MSI2: variants seen among roughly 807,000 people sequenced by gnomAD.
The protein encoded by MSI2 is RNA-binding protein Musashi homolog 2.
MSI2 carries 17 observed loss-of-function variants against 45.6 expected under a neutral mutation model. The observed-to-expected ratio is 0.37, with a 90% CI of 0.26 to 0.56. MSI2 has a LOEUF of 0.56. MSI2 is among the 20% of genes least tolerant of loss of function. MSI2 has a pLI of 0.77. For missense variants in MSI2, 293 were observed against 444.2 expected, an observed-to-expected ratio of 0.66 and a Z score of 3.06; for synonymous variants, 156 against 158.2, an observed-to-expected ratio of 0.99 and a Z score of 0.11.
chr17:57,450,254 T>TGAAAGAAAGAAAGAAA (rs2084973444), intron 6 of MSI2: 1 of 98,754 alleles, frequency 1.0e-5, no homozygotes, highest in African/African-American at 5.5e-5. Flanking sequence ...ATTCCCCAGC[T>TGAAAGAAAGAAAGAAA]TAAAGAAAGA....
At chr17:57,569,793 C>CT (rs2087828221) in intron 7 of MSI2, among the ~76,000 whole-genome samples, 1 of 152,220 alleles carries the variant, frequency 6.6e-6, no homozygotes, top group African/African-American at 2.4e-5. Flanking sequence ...CCACACAAGT[C>CT]TTTGCTCTGG....
At chr17:57,338,837 C>G (rs543636581) in intron 5 of MSI2, among the ~76,000 whole-genome samples, 1 of 152,152 alleles carries the variant, frequency 6.6e-6, no homozygotes, top group Non-Finnish European at 1.5e-5. Context: ...CAGGGGCTGC[C>G]GAGATGGGGA....
At chr17:57,266,993 G>C (rs559249104) in intron 5 of MSI2, 1 of 152,466 alleles carries the variant, frequency 6.6e-6, no homozygotes, top group East Asian at 1.9e-4. Context: ...ATGGCAGCCC[G>C]AGCGTGTACA....
chr17:57,623,966 C>T (rs150612728), intron 9 of MSI2, among the ~76,000 whole-genome samples: 1,690 of 152,304 alleles, frequency 0.011, 37 homozygotes, highest in African/African-American at 0.038. Context: ...CTGGCAGATG[C>T]CGAATTCTCA....
chr17:57,507,466 C>T (rs1196107312), intron 6 of MSI2, among the ~76,000 whole-genome samples: 1 of 152,262 alleles, frequency 6.6e-6, no homozygotes, highest in African/African-American at 2.4e-5. Flanking sequence ...TGAATATCCT[C>T]ACTGGTGATA....
chr17:57,507,233 G>C (rs71373400), intron 6 of MSI2, among the ~76,000 whole-genome samples: 1,121 of 60,356 alleles, frequency 0.019, 74 homozygotes, highest in African/African-American at 0.065. Context: ...CTCTGTGTGT[G>C]TGTGTGTGTG....
In MSI2 at chr17:57,465,046, G is replaced by T. The variant is rs2085304724; in HGVS notation, c.405+63575G>T. Among the ~76,000 whole-genome samples, 3 of 152,090 alleles carry T rather than the reference G, an allele frequency of 2.0e-5. No individual in the cohort carries two copies. The South Asian group carries it at 6.2e-4, about 32-fold the overall frequency. On this transcript the variant is annotated intron_variant, in intron 6 of 13. Transcript: ENST00000284073. The stretch of plus-strand genomic sequence containing the variant: ...TGGGCCACATGAATGATTCTCAAAG[G>T]CAGAAAAACAATTTTTTTTGATGGA...
chr17:57,281,661 A>G (rs1448907404), intron 5 of MSI2, among the ~76,000 whole-genome samples: 3 of 152,052 alleles, frequency 2.0e-5, no homozygotes, highest in Non-Finnish European at 4.4e-5. Context: ...TCAGTTTTCC[A>G]CGAGTGCAGC....
In MSI2 at chr17:57,527,461, C is replaced by T. The variant is rs1162959674; in HGVS notation, c.406-2215C>T. On this transcript the variant is annotated intron_variant, in intron 6 of 13. Transcript: ENST00000284073. Reference sequence around the variant, plus strand: ...TGTGTGTGTGGCCCCAGCAGGTTACCGTCGGCGGGGGCTCTTGAAGCCTGC... The same window carrying T: ...TGTGTGTGTGGCCCCAGCAGGTTACTGTCGGCGGGGGCTCTTGAAGCCTGC... 1.3e-4 allele frequency among the ~76,000 whole-genome samples: 6 copies of T among 45,842 alleles called. No homozygotes were observed. In the South Asian group the frequency reaches 2.7e-3, roughly 20 times the overall value. The allele number at this position is 45,842 out of a possible 152,430, so 30.1% of individuals were successfully genotyped here. A position where few individuals can be genotyped will look rare whatever the true frequency, so the allele number is the denominator to read the frequency against.
Position 57,257,499 on chromosome 17 carries a change from A to T in MSI2, c.137A>T (p.Glu46Val). The change falls in exon 3 of 14, where the codon GAA becomes GTA. Residue 46 changes from glutamate to valine, a missense_variant. Transcript: ENST00000284073. ...SLRDYFSKFG[E>V]IRECMVMRDP... is the part of the protein sequence containing the mutation. Reference sequence around the variant, plus strand: ...AGAGACTATTTTAGCAAATTTGGAGAAATTAGAGAATGTATGGTCATGAGA... The same window carrying T: ...AGAGACTATTTTAGCAAATTTGGAGTAATTAGAGAATGTATGGTCATGAGA... The T allele has an allele frequency of 6.3e-7, 1 of 1,581,194 alleles. No individual in the cohort carries two copies. The highest frequency in any genetic ancestry group is 8.6e-7 in the Non-Finnish European group (1 of 1,157,148).
intron 5 of MSI2, among the ~76,000 whole-genome samples, chr17:57,311,395 C>A (rs1440352478): frequency 6.6e-6 from 1 of 152,184 alleles, no homozygotes; most frequent in Non-Finnish European, 1.5e-5. Context: ...AAGAGAGAAA[C>A]CACAGCAGTT....
At chr17:57,435,750 C>T (rs781647394) in intron 6 of MSI2, among the ~76,000 whole-genome samples, 1 of 152,184 alleles carries the variant, frequency 6.6e-6, no homozygotes, top group African/African-American at 2.4e-5. Context: ...GAATGCCCCT[C>T]GGTCCTTGGG....
intron 5 of MSI2, among the ~76,000 whole-genome samples, chr17:57,399,340 G>A (rs1355596857): frequency 6.6e-6 from 1 of 152,248 alleles, no homozygotes; most frequent in African/African-American, 2.4e-5. Context: ...ATGGGCAGAA[G>A]GAAGTAGGGA....
intron 6 of MSI2, among the ~76,000 whole-genome samples, chr17:57,521,705 T>A (rs1339168820): frequency 1.3e-5 from 2 of 152,312 alleles, no homozygotes; most frequent in African/African-American, 4.8e-5. Flanking sequence ...TTTAGCCATT[T>A]AGAACGGTGG....
intron 7 of MSI2, among the ~76,000 whole-genome samples, chr17:57,569,794 T>G (rs1340036103): frequency 6.6e-6 from 1 of 152,196 alleles, no homozygotes. Context: ...CACACAAGTC[T>G]TTGCTCTGGG....
Position 57,652,090 on chromosome 17 carries a change from C to T in MSI2, c.728-9C>T. ...CTCCATGACTCAGGCTCCTCTCTCT[C>T]CTGACCAGGCTTCCCAGCAGCGGCT... On this transcript the variant is annotated splice_polypyrimidine_tract_variant and intron_variant, in intron 10 of 13. Transcript: ENST00000284073. The surrounding 1 kb of genome is among the most constrained non-coding windows in gnomAD (Gnocchi z 4.1). 6.2e-7 allele frequency: 1 copy of T among 1,614,036 alleles called. No individual in the cohort carries two copies.
chr17:57,320,497 G>A (rs903518930), intron 5 of MSI2, among the ~76,000 whole-genome samples: 1 of 152,174 alleles, frequency 6.6e-6, no homozygotes, highest in African/African-American at 2.4e-5. Context: ...ATCCTCAAGG[G>A]AGAAGCCACG....
At chr17:57,309,188 T>A (rs1389435052) in intron 5 of MSI2, among the ~76,000 whole-genome samples, 1 of 152,244 alleles carries the variant, frequency 6.6e-6, no homozygotes, top group Admixed American at 6.5e-5. Flanking sequence ...TCTTTGAACA[T>A]AAGTAGTTCT....
At chr17:57,628,520 G>A (rs1217365570) in intron 10 of MSI2, 1 of 152,298 alleles carries the variant, frequency 6.6e-6, no homozygotes, top group African/African-American at 2.4e-5. Context: ...TCCTGTCTCC[G>A]ATACCACCTG....
Sources: allele counts gnomAD v4.1 joint callset (sites outside exome capture counted in the v4.1 genomes callset), GRCh38; gene constraint gnomAD v4.1.1; non-coding constraint Gnocchi (gnomAD v3.1); transcripts MANE v1.5; gene names NCBI Gene and HGNC (gene_info 2026-07-23, HGNC 2026-07-21).